Variants in CSNK2A1 observed in about 807,000 individuals in gnomAD.
CSNK2A1 encodes the protein casein kinase 2 alpha 1.
A neutral mutation model predicts 62.9 loss-of-function variants in CSNK2A1; 10 were observed. That is an observed-to-expected ratio of 0.16 (90% confidence interval 0.10 to 0.27). The LOEUF (loss-of-function observed/expected upper bound fraction) is 0.27. Among genes scored for constraint, CSNK2A1 ranks in the 10% least tolerant of loss-of-function variants. CSNK2A1 has a pLI of 1.00. For synonymous variants in CSNK2A1, 124 were observed against 167.8 expected (o/e 0.74, Z 2.02); for missense variants, 160 against 492.0 (o/e 0.33, Z 6.38).
chr20:531,021 TTACAGTGAGCTGA>T (rs1312013368), intron 1 of CSNK2A1, among the ~76,000 whole-genome samples: 2 of 151,972 alleles, frequency 1.3e-5, no homozygotes. Context: ...GAGGCAGAGG[TTACAGTGAGCTGA>T]GATCGCGCCA....
intron 8 of CSNK2A1, 135 bp from the exon 9 acceptor site, chr20:492,499 T>G: frequency 1.3e-6 from 1 of 771,588 alleles, no homozygotes; most frequent in Non-Finnish European, 2.0e-6. Context: ...TTATAGCCTT[T>G]AGAATGAAAA....
At chr20:498,769 T>C (rs1328455741) in intron 6 of CSNK2A1, 1 of 152,270 alleles carries the variant, frequency 6.6e-6, no homozygotes, top group Admixed American at 6.5e-5. Flanking sequence ...ACTGGAATTC[T>C]GAGATATCTC....
intron 2 of CSNK2A1, among the ~76,000 whole-genome samples, chr20:523,610 G>C (rs2018994453): frequency 6.6e-6 from 1 of 152,158 alleles, no homozygotes; most frequent in South Asian, 2.1e-4. Flanking sequence ...ACTGTAGTGA[G>C]GTTGGGCACG....
intron 2 of CSNK2A1, among the ~76,000 whole-genome samples, chr20:515,386 C>T (rs1188135979): frequency 6.6e-6 from 1 of 152,214 alleles, no homozygotes; most frequent in Non-Finnish European, 1.5e-5. Context: ...TCTGAATAGG[C>T]AGTTAGATAT....
chr20:514,666 T>C (rs1211220527), intron 2 of CSNK2A1, among the ~76,000 whole-genome samples: 1 of 152,178 alleles, frequency 6.6e-6, no homozygotes, highest in Non-Finnish European at 1.5e-5. Flanking sequence ...GGTCTCAAAC[T>C]CCTGGACTCA....
intron 4 of CSNK2A1, chr20:503,451 C>T (rs778343654): frequency 1.8e-4 from 70 of 398,450 alleles, no homozygotes; most frequent in Non-Finnish European, 1.7e-4. Context: ...CTCTGGTTCT[C>T]AAAGGGCATG....
intron 10 of CSNK2A1, chr20:489,057 C>T: frequency 3.1e-6 from 1 of 323,336 alleles, no homozygotes; most frequent in East Asian, 7.4e-5. Flanking sequence ...GCTCCCATTG[C>T]ACACTCAAAC....
chr20:529,865 G>T (rs977865804), intron 1 of CSNK2A1, among the ~76,000 whole-genome samples: 2 of 152,072 alleles, frequency 1.3e-5, no homozygotes, highest in African/African-American at 4.8e-5. Context: ...AATCAGGTTT[G>T]GTATTATCTG....
At chr20:527,738 CA>C (rs1555768803) in intron 2 of CSNK2A1, among the ~76,000 whole-genome samples, 194 bp downstream of exon 2, 4 of 78,022 alleles carry the variant, frequency 5.1e-5, no homozygotes, top group African/African-American at 8.6e-5. Flanking sequence ...CGTGTTTCAC[CA>C]CACTGCCCAG....
intron 1 of CSNK2A1, among the ~76,000 whole-genome samples, chr20:528,662 A>G: frequency 6.9e-6 from 1 of 144,652 alleles, no homozygotes; most frequent in Non-Finnish European, 1.5e-5. Context: ...AGGTCTTGTT[A>G]TGTTACCCAG....
intron 1 of CSNK2A1, among the ~76,000 whole-genome samples, chr20:538,147 A>C (rs527526441): frequency 5.9e-5 from 9 of 152,196 alleles, no homozygotes; most frequent in African/African-American, 2.2e-4. Context: ...ATGGGGTTTT[A>C]CCATGTTGGC....
intron 2 of CSNK2A1, among the ~76,000 whole-genome samples, chr20:509,507 T>C (rs911794161): frequency 2.0e-5 from 3 of 152,218 alleles, no homozygotes; most frequent in African/African-American, 4.8e-5. Flanking sequence ...AGTCTCCAGA[T>C]TGTGATAACG....
At chr20:512,220 TC>T (rs1179680652) in intron 2 of CSNK2A1, among the ~76,000 whole-genome samples, 1 of 151,624 alleles carries the variant, frequency 6.6e-6, no homozygotes, top group East Asian at 1.9e-4. Context: ...TTTTTTTTTT[TC>T]AGTAACAGCC....
chr20:523,496 T>A (rs1461682388), intron 2 of CSNK2A1, among the ~76,000 whole-genome samples: 4 of 152,182 alleles, frequency 2.6e-5, no homozygotes, highest in Non-Finnish European at 4.4e-5. Flanking sequence ...ACACACACAA[T>A]AACTTTGATG....
chr20:473,820 C>G lies in CSNK2A1; in HGVS notation c.*10141G>C, dbSNP rs900402723. ...CTTAGATTTGAAGCCAGTTGATTGT[C>G]TTCTGATCTCAGCTCTCCAGAAGAC... On this transcript the variant is annotated 3_prime_UTR_variant, in exon 14 of 14. Coordinates refer to ENST00000217244, the MANE Select transcript of CSNK2A1 (RefSeq NM_177559.3). 6.6e-6 allele frequency: 1 copy of G among 152,246 alleles called. No homozygotes were observed. Among genetic ancestry groups the G allele is most frequent in the Non-Finnish European group, 1.5e-5 (1 of 68,070 alleles). 9.4% of individuals were successfully genotyped at this position (152,246 alleles called of 1,614,324 possible).
rs34056933 is a variant in CSNK2A1, at chr20:489,962, T to TA, written c.622-82dup. 0.35 allele frequency: 358,815 copies of TA among 1,017,130 alleles called. 67,103 individuals carry two copies. Among genetic ancestry groups the TA allele is most frequent in the East Asian group, 0.7 (23,463 of 33,578 alleles). 63.0% of individuals were successfully genotyped at this position (1,017,130 alleles called of 1,614,324 possible). ...AAAATAAAAAATTAATTTTTAAAAT[T>TA]AAAAAAAAATCACTCCACTGACTCA... On this transcript the variant is annotated intron_variant, in intron 9 of 13. Transcript: ENST00000217244.
In CSNK2A1 at chr20:486,471, G is replaced by C. The variant is rs1208098760; in HGVS notation, c.974-9C>G. 11 of 1,612,288 alleles carry C rather than the reference G, an allele frequency of 6.8e-6. No individual in the cohort carries two copies. In the South Asian group the frequency reaches 9.9e-5, roughly 15 times the overall value. ...GTCCTTCACAACAGTGTCTAGAAAA[G>C]AGACAAAAAGGCTAGGTTCTGTTTT... On this transcript the variant is annotated splice_polypyrimidine_tract_variant and intron_variant, in intron 12 of 13. Transcript: ENST00000217244.
intron 1 of CSNK2A1, among the ~76,000 whole-genome samples, chr20:533,533 G>A (rs1369470355): frequency 1.3e-5 from 2 of 152,144 alleles, no homozygotes; most frequent in East Asian, 3.9e-4. Context: ...AACCCAGGAG[G>A]CAGAGGTTGC....
intron 2 of CSNK2A1, among the ~76,000 whole-genome samples, chr20:525,650 C>CAAAAAAAAAAAAA (rs59103809): frequency 1.6e-5 from 1 of 61,022 alleles, no homozygotes; most frequent in Non-Finnish European, 3.5e-5. Flanking sequence ...GACTCCATCT[C>CAAAAAAAAAAAAA]AAAAAAAAAA....
Sources: allele counts gnomAD v4.1 joint callset (sites outside exome capture counted in the v4.1 genomes callset), GRCh38; gene constraint gnomAD v4.1.1; transcripts MANE v1.5; gene names NCBI Gene and HGNC (gene_info 2026-07-23, HGNC 2026-07-21).